The following MLH3 variants were observed in gnomAD, a reference collection of about 807,000 sequenced individuals.
The protein encoded by MLH3 is mutL homolog 3, also known as DNA mismatch repair protein Mlh3.
In MLH3, 82 loss-of-function variants were observed where a neutral mutation model predicts 122.2. That is an observed-to-expected ratio of 0.67 (90% confidence interval 0.56 to 0.81). The LOEUF is 0.81. Among genes scored for constraint, MLH3 ranks in the 30% least tolerant of loss-of-function variants. The pLI, the probability that MLH3 is intolerant of heterozygous loss-of-function variation, is 0.00. For synonymous variants in MLH3, 524 were observed against 599.5 expected, an observed-to-expected ratio of 0.87 and a Z score of 1.84; for missense variants, 1,539 against 1,714.5, an observed-to-expected ratio of 0.90 and a Z score of 1.81.
intron 2 of MLH3, among the ~76,000 whole-genome samples, chr14:75,045,245 C>A (rs569613757): frequency 5.0e-4 from 76 of 152,100 alleles, no homozygotes; most frequent in African/African-American, 1.8e-3. Flanking sequence ...CAGGAGGATC[C>A]CTTGAACCTG....
intron 9 of MLH3, 91 bp from the exon 10 acceptor site, chr14:75,023,109 A>G (rs1324676211): frequency 1.4e-6 from 2 of 1,405,152 alleles, no homozygotes; most frequent in African/African-American, 2.8e-5. Context: ...TTCTTCTTTA[A>G]ATCATGCCTC....
rs769350518 is a variant in MLH3 at position 75,039,981 on chromosome 14, C to T, written c.3500G>A (p.Ser1167Asn). 6.7e-5 allele frequency: 107 copies of T among 1,600,066 alleles called. No homozygotes were observed. Among genetic ancestry groups the T allele is most frequent in the Non-Finnish European group, 9.0e-5 (105 of 1,170,334 alleles). The change falls in exon 5 of 13, where the codon AGC (serine) becomes AAC (asparagine). Residue 1167 changes from serine to asparagine, a missense_variant. By Grantham distance (46) the Ser-to-Asn change is conservative. Coordinates refer to ENST00000355774, the MANE Select transcript of MLH3 (RefSeq NM_001040108.2). ...GATGTTGTGAATTTTAACTGCTAAG[C>T]TCTCAGCCTGGCCACTGCTTACATC... ...AVDVSSGQAE[S>N]LAVKIHNILY...
chr14:75,040,873 A>C (rs554692226), intron 4 of MLH3, among the ~76,000 whole-genome samples: 1 of 152,266 alleles, frequency 6.6e-6, no homozygotes, highest in East Asian at 1.9e-4. Context: ...TTGATTATAC[A>C]TGTTTAATCC....
chr14:75,038,379 A>G lies in MLH3; in HGVS notation c.3604T>C (p.Cys1202Arg). Residue 1202 changes from cysteine to arginine, a missense_variant, in exon 6 of 13, where the codon TGT becomes CGT. By Grantham distance (180) the Cys-to-Arg change is radical. Coordinates refer to ENST00000355774, the MANE Select transcript of MLH3 (RefSeq NM_001040108.2). ...LQQVDNKFIA[C>R]LMSTKTEENG... ...TCTTCAGTCTTAGTGCTCATCAAAC[A>G]GGCAATAAACTTGTTATCTACTTGC... The G allele has an allele frequency of 6.2e-7, 1 of 1,613,936 alleles. No individual in the cohort carries two copies. The highest frequency in any genetic ancestry group is 8.5e-7 in the Non-Finnish European group (1 of 1,179,834).
chr14:75,044,192 G>A (rs1383036020), intron 2 of MLH3, among the ~76,000 whole-genome samples: 1 of 152,118 alleles, frequency 6.6e-6, no homozygotes, highest in East Asian at 1.9e-4. Context: ...TTTCCAGAAA[G>A]GTAGCAGGGT....
intron 8 of MLH3, among the ~76,000 whole-genome samples, chr14:75,031,023 A>G (rs1036934262): frequency 5.3e-5 from 8 of 152,224 alleles, no homozygotes; most frequent in African/African-American, 1.9e-4. Context: ...GCATGAAGAA[A>G]AGGTCTGAGA....
At chr14:75,040,122 T>TA (rs1288583560) in intron 4 of MLH3, 107 bp from the exon 5 acceptor site, 2 of 611,806 alleles carry the variant, frequency 3.3e-6, no homozygotes, top group Non-Finnish European at 6.0e-6. Flanking sequence ...TTTAGCCTAC[T>TA]AGAGGTGGGT....
intron 2 of MLH3, among the ~76,000 whole-genome samples, chr14:75,043,072 G>A (rs977653938): frequency 1.3e-5 from 2 of 151,998 alleles, no homozygotes; most frequent in African/African-American, 2.4e-5. Context: ...CACTGTGCCC[G>A]GCTTGAGACA....
At chr14:75,022,231 G>T (rs1890328089) in intron 11 of MLH3, among the ~76,000 whole-genome samples, 1 of 152,140 alleles carries the variant, frequency 6.6e-6, no homozygotes, top group African/African-American at 2.4e-5. Flanking sequence ...TTACCTGGGT[G>T]ACAAAATAAT....
At chr14:75,031,797 G>T (rs1046261959) in intron 8 of MLH3, among the ~76,000 whole-genome samples, 1 of 152,188 alleles carries the variant, frequency 6.6e-6, no homozygotes, top group Non-Finnish European at 1.5e-5. Context: ...CTGGACAACA[G>T]AGTGAGACCA....
At position 75,049,778 on chromosome 14, in the gene MLH3, T is replaced by C. The variant is rs1306242425; in HGVS notation, c.-63-60A>G. On this transcript the variant is annotated intron_variant, in intron 1 of 12. Coordinates refer to ENST00000355774, the MANE Select transcript of MLH3 (RefSeq NM_001040108.2). ...AAAGCTTTAGCATTACACAGCATTA[T>C]GAAGAAATAGCACTTGAGGTAAATG... 31 of 988,820 alleles carry C rather than the reference T, an allele frequency of 3.1e-5. 1 individual carries two copies. Among genetic ancestry groups the C allele is most frequent in the South Asian group, 2.5e-4 (18 of 71,372 alleles). The allele number at this position is 988,820 out of a possible 1,614,324, so 61.3% of individuals were successfully genotyped here.
Position 75,049,409 on chromosome 14 carries a change from C to T in MLH3, c.247G>A (p.Asp83Asn). The T allele has an allele frequency of 1.2e-6, 2 of 1,614,068 alleles. No homozygotes were observed. Among genetic ancestry groups the T allele is most frequent in the Non-Finnish European group, 1.7e-6 (2 of 1,180,032 alleles). Residue 83 changes from aspartate to asparagine, a missense_variant, in exon 2 of 13, where the codon GAC (aspartate) becomes AAC (asparagine). By Grantham distance (23) the Asp-to-Asn change is conservative. Coordinates refer to ENST00000355774, the MANE Select transcript of MLH3 (RefSeq NM_001040108.2). ...CCATAAAACCTTGGATTCTCCAAGT[C>T]CTGTACCGAGTGGCATTTACTGGTG... Reference protein sequence around the residue: ...YFTSKCHSVQDLENPRFYGFR... With the variant: ...YFTSKCHSVQNLENPRFYGFR...
rs1566584093 is a variant in MLH3, at chr14:75,030,721, A to G, written c.3828-19T>C. The G allele has an allele frequency of 6.2e-7, 1 of 1,607,506 alleles. No individual in the cohort carries two copies. Among genetic ancestry groups the G allele is most frequent in the South Asian group, 1.1e-5 (1 of 90,892 alleles). On this transcript the variant is annotated intron_variant, in intron 8 of 12. Transcript: ENST00000355774. ...GTAACACCTAAAGAGATAACCTCAA[A>G]TGTTAAAAAAAAAAAGAGTGCTACT... is the stretch of plus-strand genomic sequence containing the variant.
At chr14:75,029,741 G>T (rs1208511242) in intron 9 of MLH3, among the ~76,000 whole-genome samples, 1 of 151,994 alleles carries the variant, frequency 6.6e-6, no homozygotes, top group Non-Finnish European at 1.5e-5. Flanking sequence ...TTCCATGCTT[G>T]TCAGGCTGGT....
chr14:75,028,660 C>T (rs1053350666), intron 9 of MLH3, among the ~76,000 whole-genome samples: 10 of 151,032 alleles, frequency 6.6e-5, no homozygotes, highest in Non-Finnish European at 1.3e-4. Context: ...TCAAATGATC[C>T]GCCCGCCTTG....
intron 5 of MLH3, 28 bp downstream of exon 5, chr14:75,039,855 ATATATATATATATATATATATATATATT>A: frequency 1.8e-5 from 1 of 56,568 alleles, no homozygotes; most frequent in Non-Finnish European, 4.2e-5. Flanking sequence ...CCATATATAT[ATATATATATATATATATATATATATATT>A]TATGAGATTT....
rs2139492072 is a variant in MLH3 at position 75,041,612 on chromosome 14, C to T, written c.3465+3G>A. ...AGGCAAAGAAAAACTGCTACAGACC[C>T]ACCTCTGGATAACGGGCAAATACTG... On this transcript the variant is annotated splice_donor_region_variant and intron_variant, in intron 4 of 12. Coordinates refer to ENST00000355774, the MANE Select transcript of MLH3 (RefSeq NM_001040108.2). 4 of 1,610,738 alleles carry T rather than the reference C, an allele frequency of 2.5e-6. No homozygotes were observed. Among genetic ancestry groups the T allele is most frequent in the Non-Finnish European group, 3.4e-6 (4 of 1,177,002 alleles).
chr14:75,047,909 T>TC lies in MLH3; in HGVS notation c.1746dup (p.Lys583GlufsTer6). The TC allele has an allele frequency of 1.2e-6, 2 of 1,613,442 alleles. No homozygotes were observed. Among genetic ancestry groups the TC allele is most frequent in the Non-Finnish European group, 1.7e-6 (2 of 1,179,892 alleles). ...CCACAATTGCTAGATTCTTTTTTTT[T>TC]CTCTTTCTCTGTCTGAGCACTATGT... On this transcript the variant is annotated frameshift_variant, in exon 2 of 13. Transcript: ENST00000355774. LOFTEE classifies it high-confidence loss of function.
At position 75,039,989 on chromosome 14, in the gene MLH3, C is replaced by T; in HGVS notation, c.3492G>A (p.Gln1164=). The T allele has an allele frequency of 6.3e-7, 1 of 1,595,370 alleles. No individual in the cohort carries two copies. Among genetic ancestry groups the T allele is most frequent in the East Asian group, 2.3e-5 (1 of 44,206 alleles). Residue 1164 remains glutamine (Q), a synonymous_variant, in exon 5 of 13, where the codon CAG becomes CAA. Coordinates refer to ENST00000355774, the MANE Select transcript of MLH3 (RefSeq NM_001040108.2). ...GAATTTTAACTGCTAAGCTCTCAGCCTGGCCACTGCTTACATCAACAGCAA... is the reference window on the plus strand; with the variant it reads ...GAATTTTAACTGCTAAGCTCTCAGCTTGGCCACTGCTTACATCAACAGCAA... The part of the protein sequence containing the change: ...PEVAVDVSSG[Q]AESLAVKIHN...
Sources: gnomAD v4.1 joint callset for allele counts (sites outside exome capture counted in the v4.1 genomes callset) on GRCh38, gnomAD v4.1.1 for gene constraint, MANE v1.5 for transcripts, NCBI Gene and HGNC (gene_info 2026-07-23, HGNC 2026-07-21) for gene names.